The following WWOX variants were observed in gnomAD, a reference collection of about 807,000 sequenced individuals.
WWOX encodes WW domain containing oxidoreductase.
A neutral mutation model predicts 46.2 loss-of-function variants in WWOX; 69 were observed. That is an observed-to-expected ratio of 1.49 (90% CI 1.23 to 1.82). The LOEUF is 1.82. WWOX is among the 40% of genes most tolerant of loss of function. WWOX has a pLI of 0.00. For synonymous variants in WWOX, 359 were observed against 202.6 expected (o/e 1.77, Z -6.56); for missense variants, 919 against 542.6 (o/e 1.69, Z -6.89).
intron 3 of WWOX, among the ~76,000 whole-genome samples, chr16:78,110,306 C>T (rs1436464056): frequency 1.4e-5 from 2 of 143,834 alleles, no homozygotes; most frequent in African/African-American, 5.2e-5. Context: ...CGCCACTGCA[C>T]TCCAGCCTGG....
At chr16:78,219,667 G>C (rs1302497938) in intron 5 of WWOX, among the ~76,000 whole-genome samples, 1 of 151,988 alleles carries the variant, frequency 6.6e-6, no homozygotes, top group Non-Finnish European at 1.5e-5. Flanking sequence ...ATATTATTTG[G>C]GAAGACATTA....
At chr16:78,403,309 C>T (rs905389717) in intron 6 of WWOX, among the ~76,000 whole-genome samples, 1 of 152,186 alleles carries the variant, frequency 6.6e-6, no homozygotes, top group African/African-American at 2.4e-5. Flanking sequence ...AATAAACTCT[C>T]TTTGCATGAT....
At chr16:79,159,637 T>A (rs887728804) in intron 8 of WWOX, among the ~76,000 whole-genome samples, 1 of 152,198 alleles carries the variant, frequency 6.6e-6, no homozygotes, top group Admixed American at 6.5e-5. Context: ...TCTCTCCCCG[T>A]GTCCCCTTGC....
At chr16:78,439,129 G>T (rs556727399) in intron 8 of WWOX, among the ~76,000 whole-genome samples, 1 of 152,294 alleles carries the variant, frequency 6.6e-6, no homozygotes, top group African/African-American at 2.4e-5. Flanking sequence ...TGGTACATTG[G>T]TGTATCACAT....
intron 8 of WWOX, among the ~76,000 whole-genome samples, chr16:78,874,000 G>C (rs996369337): frequency 6.6e-6 from 1 of 151,722 alleles, no homozygotes. Flanking sequence ...GGTGGCTCAT[G>C]CCTGTAATCC....
At chr16:78,636,292 C>G (rs763861942) in intron 8 of WWOX, among the ~76,000 whole-genome samples, 16 of 152,104 alleles carry the variant, frequency 1.1e-4, no homozygotes, top group Non-Finnish European at 1.3e-4. Flanking sequence ...AATTGCTCTA[C>G]CAGACACCTC....
chr16:79,149,015 A>G (rs2150729066), intron 8 of WWOX, among the ~76,000 whole-genome samples: 1 of 152,236 alleles, frequency 6.6e-6, no homozygotes, highest in East Asian at 1.9e-4. Flanking sequence ...CCTTTATAAT[A>G]TGTGTGCCCT....
intron 8 of WWOX, among the ~76,000 whole-genome samples, chr16:78,746,334 C>G (rs2049346369): frequency 6.6e-6 from 1 of 151,980 alleles, no homozygotes; most frequent in Admixed American, 6.6e-5. Context: ...ATTGCCTGTA[C>G]AAAAAATTTA....
intron 8 of WWOX, among the ~76,000 whole-genome samples, chr16:78,839,656 G>A (rs187191874): frequency 6.6e-6 from 1 of 152,104 alleles, no homozygotes; most frequent in Non-Finnish European, 1.5e-5. Context: ...GTTATGGAGG[G>A]TGGGGAGGGG....
At chr16:78,839,797 G>T (rs2052089672) in intron 8 of WWOX, among the ~76,000 whole-genome samples, 1 of 152,122 alleles carries the variant, frequency 6.6e-6, no homozygotes, top group African/African-American at 2.4e-5. Context: ...AAGGCTTGAA[G>T]AACCCACCTC....
At chr16:78,490,082 C>G (rs907908390) in intron 8 of WWOX, among the ~76,000 whole-genome samples, 141 of 151,780 alleles carry the variant, frequency 9.3e-4, no homozygotes, top group Non-Finnish European at 2.5e-4. Flanking sequence ...GAGACAATTT[C>G]TAGTTCTGTT....
intron 6 of WWOX, among the ~76,000 whole-genome samples, chr16:78,402,547 C>T (rs1038547352): frequency 1.3e-5 from 2 of 152,020 alleles, no homozygotes; most frequent in Non-Finnish European, 2.9e-5. Context: ...TCAGCACTTC[C>T]CCCAAGCTCA....
In WWOX at chr16:78,685,342, A is replaced by AT. The variant is rs201279735; in HGVS notation, c.1056+252599dup. Among the ~76,000 whole-genome samples the AT allele has an allele frequency of 1.2e-3, 181 of 151,628 alleles. 1 individual carries two copies. Among genetic ancestry groups the AT allele is most frequent in the South Asian group, 3.5e-3 (17 of 4,800 alleles). On this transcript the variant is annotated intron_variant, in intron 8 of 8. Coordinates refer to ENST00000566780, the MANE Select transcript of WWOX (RefSeq NM_016373.4). ...GCAGCCTAATAACTTTCATTCTGTG[A>AT]TTTTTTTTTGTATGTGTCTAATATT...
chr16:78,991,709 A>G (rs1315646672), intron 8 of WWOX, among the ~76,000 whole-genome samples: 2 of 151,900 alleles, frequency 1.3e-5, no homozygotes, highest in African/African-American at 2.4e-5. Flanking sequence ...AACGCAAGCC[A>G]TAAGGTTAAC....
At chr16:78,602,570 G>T (rs147656099) in intron 8 of WWOX, among the ~76,000 whole-genome samples, 380 of 152,262 alleles carry the variant, frequency 2.5e-3, no homozygotes, top group African/African-American at 8.4e-3. Context: ...AACGAAAGCT[G>T]TTGTGCTGGT....
rs74995212 is a variant in WWOX at position 78,716,567 on chromosome 16, G to A, written c.1056+283815G>A. Among the ~76,000 whole-genome samples, 1,259 of 152,158 alleles carry A rather than the reference G, an allele frequency of 8.3e-3. 25 individuals carry two copies. Among genetic ancestry groups the A allele is most frequent in the African/African-American group, 0.028 (1,174 of 41,518 alleles). ...TCACCTGTGTGTACTCCATGCCAGTGTCTTCCCAGCCCCTGCCAGGCAAGT... is the reference window on the plus strand; with the variant it reads ...TCACCTGTGTGTACTCCATGCCAGTATCTTCCCAGCCCCTGCCAGGCAAGT... On this transcript the variant is annotated intron_variant, in intron 8 of 8. Coordinates refer to ENST00000566780, the MANE Select transcript of WWOX (RefSeq NM_016373.4).
chr16:78,217,184 GC>G (rs2036749567), intron 5 of WWOX, among the ~76,000 whole-genome samples: 1 of 152,166 alleles, frequency 6.6e-6, no homozygotes, highest in Admixed American at 6.5e-5. Flanking sequence ...CAACGTGAGA[GC>G]CCATTGCCCT....
At chr16:78,996,399 C>G in intron 8 of WWOX, 1 of 913,980 alleles carries the variant, frequency 1.1e-6, no homozygotes, top group South Asian at 5.2e-5. Context: ...AGCTTCCCCA[C>G]CTGTAAAATG....
At chr16:78,384,826 T>G (rs988517747) in intron 5 of WWOX, among the ~76,000 whole-genome samples, 5 of 152,180 alleles carry the variant, frequency 3.3e-5, no homozygotes, top group African/African-American at 1.2e-4. Flanking sequence ...CATCACTTTC[T>G]ACCACCTTTC....
Sources: gnomAD v4.1 joint callset for allele counts (sites outside exome capture counted in the v4.1 genomes callset) on GRCh38, gnomAD v4.1.1 for gene constraint, MANE v1.5 for transcripts, NCBI Gene and HGNC (gene_info 2026-07-23, HGNC 2026-07-21) for gene names.